Variants in PTPRN2 observed in about 807,000 individuals in gnomAD.
PTPRN2 encodes protein tyrosine phosphatase receptor type N2, also known as receptor-type tyrosine-protein phosphatase N2.
A neutral mutation model predicts 118.8 loss-of-function variants in PTPRN2; 74 were observed. That is an observed-to-expected ratio of 0.62 (90% confidence interval 0.52 to 0.76). The LOEUF (loss-of-function observed/expected upper bound fraction) is 0.76, where lower values mean the gene tolerates loss of function less well. PTPRN2 is among the 30% of genes least tolerant of loss of function. The pLI is 0.00. For missense variants in PTPRN2, 1,481 were observed against 1,394.4 expected, an observed-to-expected ratio of 1.06 and a Z score of -0.99; for synonymous variants, 641 against 608.0, an observed-to-expected ratio of 1.05 and a Z score of -0.80.
At chr7:157,717,595 G>C (rs1247061450) in intron 12 of PTPRN2, among the ~76,000 whole-genome samples, 1 of 152,176 alleles carries the variant, frequency 6.6e-6, no homozygotes, top group Non-Finnish European at 1.5e-5. Flanking sequence ...CATGGAAATC[G>C]CTCCCTTGCG....
chr7:158,018,329 TTC>T (rs770367655), intron 11 of PTPRN2, among the ~76,000 whole-genome samples: 14 of 152,324 alleles, frequency 9.2e-5, no homozygotes, highest in Non-Finnish European at 1.6e-4. Context: ...TGTATGATGT[TTC>T]TAACACACGG....
At chr7:157,730,015 T>C (rs904933167) in intron 12 of PTPRN2, among the ~76,000 whole-genome samples, 2 of 152,126 alleles carry the variant, frequency 1.3e-5, no homozygotes, top group African/African-American at 4.8e-5. Context: ...TGCTCGAGGG[T>C]CACTTTCATT....
chr7:158,120,668 G>A (rs141581691), intron 9 of PTPRN2, among the ~76,000 whole-genome samples: 1 of 152,182 alleles, frequency 6.6e-6, no homozygotes, highest in African/African-American at 2.4e-5. Flanking sequence ...CTGCTGGAAG[G>A]GGAGGGGTCC....
At chr7:157,744,762 T>C (rs1796265) in intron 12 of PTPRN2, among the ~76,000 whole-genome samples, 12,890 of 152,004 alleles carry the variant, frequency 0.085, 796 homozygotes, top group Admixed American at 0.19. Flanking sequence ...CTGAGTGAGG[T>C]GGAGGGGAAG....
At chr7:158,333,610 T>C (rs866271320) in intron 2 of PTPRN2, among the ~76,000 whole-genome samples, 3,315 of 98,532 alleles carry the variant, frequency 0.034, 1 homozygote, top group Non-Finnish European at 0.049. Flanking sequence ...ACACTCTCAC[T>C]ATAAGAGGTG....
intron 12 of PTPRN2, among the ~76,000 whole-genome samples, chr7:157,896,798 T>C (rs1222462949): frequency 6.6e-6 from 1 of 152,196 alleles, no homozygotes; most frequent in Non-Finnish European, 1.5e-5. Context: ...AGTCAGTGGC[T>C]CCACCTGTCA....
intron 11 of PTPRN2, among the ~76,000 whole-genome samples, chr7:157,914,012 T>C (rs1798239460): frequency 6.6e-6 from 1 of 152,264 alleles, no homozygotes; most frequent in African/African-American, 2.4e-5. Flanking sequence ...TTTTTCATTC[T>C]GGTATTTTGG....
chr7:158,404,318 C>T (rs1813183384), intron 2 of PTPRN2, among the ~76,000 whole-genome samples: 1 of 152,170 alleles, frequency 6.6e-6, no homozygotes, highest in South Asian at 2.1e-4. Flanking sequence ...CACATGCGGA[C>T]AGACTTTGAT....
At chr7:158,310,219 C>T (rs1200698156) in intron 3 of PTPRN2, among the ~76,000 whole-genome samples, 1 of 152,226 alleles carries the variant, frequency 6.6e-6, no homozygotes, top group Non-Finnish European at 1.5e-5. Context: ...CTTGTTGAGG[C>T]TGAGTCTTGA....
rs749980693 is a variant in PTPRN2, at chr7:157,619,176, C to T, written c.2344+2186G>A. ...AGAGCCCAGAAGGCTGCAGGGCACA[C>T]GGGAGGAAAACCCCATCGGCAGGTC... On this transcript the variant is annotated intron_variant, in intron 15 of 22. Coordinates refer to ENST00000389418, the MANE Select transcript of PTPRN2 (RefSeq NM_002847.5). The surrounding 1 kb of genome is among the most constrained non-coding windows in gnomAD (Gnocchi z 5.3). 1.3e-5 allele frequency among the ~76,000 whole-genome samples: 2 copies of T among 152,094 alleles called. No individual in the cohort carries two copies. The highest frequency in any genetic ancestry group is 2.9e-5 in the Non-Finnish European group (2 of 68,024).
At chr7:158,121,831 G>C (rs1356301123) in intron 9 of PTPRN2, among the ~76,000 whole-genome samples, 3 of 152,230 alleles carry the variant, frequency 2.0e-5, no homozygotes, top group African/African-American at 7.2e-5. Context: ...AAGGGTGACA[G>C]TGCCGGCCAG....
In PTPRN2 at chr7:157,610,873, G is replaced by A. The variant is rs2150597964; in HGVS notation, c.2345-6798C>T. Among the ~76,000 whole-genome samples, 1 of 152,342 alleles carries A rather than the reference G, an allele frequency of 6.6e-6. No homozygotes were observed. Among genetic ancestry groups the A allele is most frequent in the Admixed American group, 6.5e-5 (1 of 15,298 alleles). On this transcript the variant is annotated intron_variant, in intron 15 of 22. Coordinates refer to ENST00000389418, the MANE Select transcript of PTPRN2 (RefSeq NM_002847.5). The surrounding 1 kb of genome is among the most constrained non-coding windows in gnomAD (Gnocchi z 5.1). ...TGCCTTTGGGAAATGCTCAGCTCAA[G>A]CTATAAAGCTCATCGAACATTTAGG... is the stretch of plus-strand genomic sequence containing the variant.
chr7:158,461,589 T>C (rs1396326086), intron 2 of PTPRN2, among the ~76,000 whole-genome samples: 1 of 152,226 alleles, frequency 6.6e-6, no homozygotes, highest in African/African-American at 2.4e-5. Flanking sequence ...TCCAGTGTTT[T>C]CCAAAGCATA....
rs554914020 is a variant in PTPRN2, at chr7:157,622,887, G to A, written c.2197-1378C>T. Among the ~76,000 whole-genome samples, 10 of 152,180 alleles carry A rather than the reference G, an allele frequency of 6.6e-5. No individual in the cohort carries two copies. The highest frequency in any genetic ancestry group is 1.2e-4 in the African/African-American group (5 of 41,448). ...CGACTGCCTGCTCCACGCAGCGAAC[G>A]CTTTTCCCCCACCACACCTTGAGCC... On this transcript the variant is annotated intron_variant, in intron 14 of 22. Coordinates refer to ENST00000389418, the MANE Select transcript of PTPRN2 (RefSeq NM_002847.5). The surrounding 1 kb of genome is among the most constrained non-coding windows in gnomAD (Gnocchi z 5.3).
intron 1 of PTPRN2, among the ~76,000 whole-genome samples, chr7:158,557,871 C>T (rs538815148): frequency 1.3e-5 from 2 of 152,320 alleles, no homozygotes; most frequent in East Asian, 3.9e-4. Context: ...GGCACCTCGC[C>T]CTCTTCCCAG....
At chr7:158,071,109 TG>T (rs1172282702) in intron 11 of PTPRN2, among the ~76,000 whole-genome samples, 1 of 93,448 alleles carries the variant, frequency 1.1e-5, no homozygotes, top group Non-Finnish European at 2.2e-5. Context: ...GTGCTCGTGG[TG>T]GTGGAGGTGC....
chr7:157,779,662 G>T lies in PTPRN2; in HGVS notation c.1789-96725C>A, dbSNP rs1247391379. On this transcript the variant is annotated intron_variant, in intron 12 of 22. Coordinates refer to ENST00000389418, the MANE Select transcript of PTPRN2 (RefSeq NM_002847.5). The surrounding 1 kb of genome is among the most constrained non-coding windows in gnomAD (Gnocchi z 4.7). The stretch of plus-strand genomic sequence containing the variant: ...GCACAAAGGCTGACCCTAGACTCTG[G>T]CCAGGACGAGCTGGGGTGAGGGGCC... Among the ~76,000 whole-genome samples the T allele has an allele frequency of 6.6e-6, 1 of 152,182 alleles. No individual in the cohort carries two copies. Among genetic ancestry groups the T allele is most frequent in the Non-Finnish European group, 1.5e-5 (1 of 68,020 alleles).
chr7:157,663,304 C>T (rs1182505784), intron 13 of PTPRN2, among the ~76,000 whole-genome samples: 2 of 152,196 alleles, frequency 1.3e-5, no homozygotes, highest in Non-Finnish European at 2.9e-5. Flanking sequence ...ACCCTGGAGT[C>T]CCAGCGGCAC....
chr7:158,262,359 A>G (rs916181668), intron 3 of PTPRN2, among the ~76,000 whole-genome samples: 1 of 111,392 alleles, frequency 9.0e-6, no homozygotes, highest in African/African-American at 4.4e-5. Context: ...ACACACTGCA[A>G]ACATTCACTG....
Sources: allele counts gnomAD v4.1 joint callset (sites outside exome capture counted in the v4.1 genomes callset), GRCh38; gene constraint gnomAD v4.1.1; non-coding constraint Gnocchi (gnomAD v3.1); transcripts MANE v1.5; gene names NCBI Gene and HGNC (gene_info 2026-07-23, HGNC 2026-07-21).